The following FBXO3 variants were observed in gnomAD, a reference collection of about 807,000 sequenced individuals.
The protein encoded by FBXO3 is F-box protein 3.
In FBXO3, 17 loss-of-function variants were observed where a neutral mutation model predicts 64.8. The observed-to-expected ratio is 0.26, with a 90% CI of 0.18 to 0.39. The LOEUF (loss-of-function observed/expected upper bound fraction) is 0.39, where lower values mean the gene tolerates loss of function less well. FBXO3 is among the 10% of genes least tolerant of loss of function. FBXO3 has a pLI of 1.00. For synonymous variants in FBXO3, 182 were observed against 201.6 expected, an observed-to-expected ratio of 0.90 and a Z score of 0.82; for missense variants, 420 against 589.9, an observed-to-expected ratio of 0.71 and a Z score of 2.98.
chr11:33,760,477 TA>T (rs111943534), intron 3 of FBXO3, among the ~76,000 whole-genome samples: 28 of 143,212 alleles, frequency 2.0e-4, no homozygotes, highest in Non-Finnish European at 2.2e-4. Context: ...ACCCCATCTA[TA>T]AAAAAAAAAA....
chr11:33,748,836 T>C lies in FBXO3; in HGVS notation c.989A>G (p.Tyr330Cys). Residue 330 changes from tyrosine to cysteine, a missense_variant, in exon 9 of 11, where the codon TAT (tyrosine) becomes TGT (cysteine). Tyr to Cys is a radical substitution (Grantham distance 194). This residue lies in a region of FBXO3 where 337 missense variants were observed against 518.4 expected (regional missense o/e 0.65). Coordinates refer to ENST00000265651, the MANE Select transcript of FBXO3 (RefSeq NM_012175.4). ...ACCCTTAGCATTTGTTATTCTCCAA[T>C]AGCGACTGTCCAACTGACAGGCCTT... is the stretch of plus-strand genomic sequence containing the variant. ...PEKACQLDSR[Y>C]WRITNAKGDV... 1.9e-6 allele frequency: 3 copies of C among 1,613,940 alleles called. No homozygotes were observed. The highest frequency in any genetic ancestry group is 2.5e-6 in the Non-Finnish European group (3 of 1,179,874).
intron 9 of FBXO3, among the ~76,000 whole-genome samples, chr11:33,748,259 CGT>C (rs1854867881): frequency 6.6e-6 from 1 of 151,982 alleles, no homozygotes; most frequent in African/African-American, 2.4e-5. Context: ...ATTTAGAAAA[CGT>C]TAAACTGAAT....
chr11:33,754,285 G>A (rs1338571723), intron 6 of FBXO3, 170 bp downstream of exon 6: 4 of 518,990 alleles, frequency 7.7e-6, no homozygotes, highest in East Asian at 6.5e-5. Context: ...ATACAAAAAC[G>A]GTTCTAATGA....
intron 7 of FBXO3, 135 bp from the exon 8 acceptor site, chr11:33,750,796 T>G (rs1483822146): frequency 5.6e-6 from 4 of 717,494 alleles, no homozygotes; most frequent in African/African-American, 1.8e-5. Flanking sequence ...TATTTGGGTA[T>G]AGTCCTATTA....
At chr11:33,768,166 C>T (rs1043957158) in intron 3 of FBXO3, among the ~76,000 whole-genome samples, 1 of 152,042 alleles carries the variant, frequency 6.6e-6, no homozygotes, top group African/African-American at 2.4e-5. Flanking sequence ...CTGAAAAAAA[C>T]TTGGAGGGTA....
In FBXO3 at chr11:33,770,724, A is replaced by T. The variant is rs748910589; in HGVS notation, c.194+17T>A. On this transcript the variant is annotated intron_variant, in intron 2 of 10. Coordinates refer to ENST00000265651, the MANE Select transcript of FBXO3 (RefSeq NM_012175.4). ...CAAGGGCCAGTTTTCAGAAGTACAT[A>T]TTCCTCGAATACTCACTCAGATATC... 5 of 1,600,548 alleles carry T rather than the reference A, an allele frequency of 3.1e-6. No homozygotes were observed. Among genetic ancestry groups the T allele is most frequent in the Non-Finnish European group, 4.3e-6 (5 of 1,169,148 alleles).
chr11:33,768,634 C>T (rs1363010440), intron 3 of FBXO3, among the ~76,000 whole-genome samples: 2 of 152,104 alleles, frequency 1.3e-5, no homozygotes, highest in East Asian at 3.9e-4. Flanking sequence ...TTCAGCTTTC[C>T]CTTCTGATAA....
intron 4 of FBXO3, among the ~76,000 whole-genome samples, chr11:33,756,283 T>C (rs1223198603): frequency 1.3e-5 from 2 of 152,192 alleles, no homozygotes; most frequent in African/African-American, 2.4e-5. Flanking sequence ...TGCTGGTGTT[T>C]TGCTAGCCAT....
intron 3 of FBXO3, among the ~76,000 whole-genome samples, chr11:33,765,706 A>AT (rs1272585037): frequency 2.6e-5 from 4 of 151,894 alleles, no homozygotes; most frequent in African/African-American, 9.7e-5. Context: ...CATGGGGTGG[A>AT]TTTTTTCTCA....
At chr11:33,752,932 T>C (rs940096122) in intron 6 of FBXO3, among the ~76,000 whole-genome samples, 3 of 152,202 alleles carry the variant, frequency 2.0e-5, no homozygotes, top group African/African-American at 7.2e-5. Flanking sequence ...CCAGAGTGTA[T>C]TCTTTAAGAT....
At chr11:33,744,499 C>T (rs962803682) in intron 10 of FBXO3, 1 of 152,110 alleles carries the variant, frequency 6.6e-6, no homozygotes, top group Non-Finnish European at 1.5e-5. Flanking sequence ...AGTGTTAAGC[C>T]TACGAATTAA....
Position 33,748,844 on chromosome 11 carries a change from G to C in FBXO3, c.981C>G (p.Asp327Glu). The C allele has an allele frequency of 6.2e-7, 1 of 1,613,856 alleles. No homozygotes were observed. Among genetic ancestry groups the C allele is most frequent in the Non-Finnish European group, 8.5e-7 (1 of 1,179,846 alleles). ...DALPEKACQL[D>E]SRYWRITNAK... Reference sequence around the variant, plus strand: ...CATTTGTTATTCTCCAATAGCGACTGTCCAACTGACAGGCCTTCTCAGGAA... The same window carrying C: ...CATTTGTTATTCTCCAATAGCGACTCTCCAACTGACAGGCCTTCTCAGGAA... Residue 327 changes from aspartate (D) to glutamate (E), a missense_variant, in exon 9 of 11, where the codon GAC becomes GAG. Coordinates refer to ENST00000265651, the MANE Select transcript of FBXO3 (RefSeq NM_012175.4).
At chr11:33,756,361 A>G (rs897914692) in intron 4 of FBXO3, among the ~76,000 whole-genome samples, 2 of 152,214 alleles carry the variant, frequency 1.3e-5, no homozygotes, top group Non-Finnish European at 2.9e-5. Context: ...TACAACCTTT[A>G]GCTTACCCTA....
rs1855442451 is a variant in FBXO3 at position 33,768,956 on chromosome 11, C to T, written c.253G>A (p.Asp85Asn). The change falls in exon 3 of 11, where the codon GAT becomes AAT. Residue 85 changes from aspartate (D) to asparagine (N), a missense_variant. Physicochemically the swap from Asp to Asn is conservative, Grantham distance 23. This residue lies in a region of FBXO3 where 337 missense variants were observed against 518.4 expected (regional missense o/e 0.65). Coordinates refer to ENST00000265651, the MANE Select transcript of FBXO3 (RefSeq NM_012175.4). ...WKSLFIDTYS[D>N]VGRYIDHYAA... ...TAATGGTCAATGTATCTTCCTACAT[C>T]AGAGTAAGTATCTATGAAGAGAGAT... is the stretch of plus-strand genomic sequence containing the variant. 6.2e-7 allele frequency: 1 copy of T among 1,613,878 alleles called. No homozygotes were observed. Among genetic ancestry groups the T allele is most frequent in the Non-Finnish European group, 8.5e-7 (1 of 1,179,802 alleles).
intron 1 of FBXO3, chr11:33,773,442 C>G (rs1426779912): frequency 2.6e-5 from 4 of 152,214 alleles, no homozygotes; most frequent in Non-Finnish European, 5.9e-5. Context: ...GCACAATCAT[C>G]AAATGGCTAG....
At position 33,754,473 on chromosome 11, in the gene FBXO3, T is replaced by C; in HGVS notation, c.706A>G (p.Ile236Val). ...TTCCTACCTATAATAAACATGTCAATAGCAGCTGGATTTCGAGCCATTTGG... is the reference window on the plus strand; with the variant it reads ...TTCCTACCTATAATAAACATGTCAACAGCAGCTGGATTTCGAGCCATTTGG... ...PDQMARNPAA[I>V]DMFIIGATFT... Residue 236 changes from isoleucine (I) to valine (V), a missense_variant, in exon 6 of 11, where the codon ATT becomes GTT. Coordinates refer to ENST00000265651, the MANE Select transcript of FBXO3 (RefSeq NM_012175.4). 1.3e-6 allele frequency: 2 copies of C among 1,584,706 alleles called. No individual in the cohort carries two copies. The highest frequency in any genetic ancestry group is 1.2e-5 in the South Asian group (1 of 84,450).
chr11:33,773,496 A>G (rs563150005), intron 1 of FBXO3: 1 of 152,334 alleles, frequency 6.6e-6, no homozygotes, highest in South Asian at 2.1e-4. Flanking sequence ...TCGCCCACCT[A>G]TCCTAAGAGG....
In FBXO3 at chr11:33,768,981, T is replaced by C; in HGVS notation, c.228A>G (p.Lys76=). 1 of 1,612,676 alleles carries C rather than the reference T, an allele frequency of 6.2e-7. No individual in the cohort carries two copies. Among genetic ancestry groups the C allele is most frequent in the Non-Finnish European group, 8.5e-7 (1 of 1,179,512 alleles). Residue 76 remains lysine (K), a synonymous_variant, in exon 3 of 11, where the codon AAA becomes AAG. Coordinates refer to ENST00000265651, the MANE Select transcript of FBXO3 (RefSeq NM_012175.4). ...EEKTQKNQCW[K]SLFIDTYSDV... ...CAGAGTAAGTATCTATGAAGAGAGA[T>C]TTCCAACACTGATTCTTCTGTGTTT...
chr11:33,751,451 T>A, intron 7 of FBXO3, 72 bp downstream of exon 7: 1 of 1,021,248 alleles, frequency 9.8e-7, no homozygotes, highest in African/African-American at 1.6e-5. Flanking sequence ...AAACTTCATT[T>A]CATGATCTGT....
Sources: gnomAD v4.1 joint callset for allele counts (sites outside exome capture counted in the v4.1 genomes callset) on GRCh38, gnomAD v4.1.1 for gene constraint, gnomAD v4.1.1 regional missense constraint, MANE v1.5 for transcripts, NCBI Gene and HGNC (gene_info 2026-07-23, HGNC 2026-07-21) for gene names.